The following BCAS3 variants were observed in gnomAD, a reference collection of about 807,000 sequenced individuals.
BCAS3 encodes the protein BCAS3 microtubule associated cell migration factor.
In BCAS3, 53 loss-of-function variants were observed where a neutral mutation model predicts 116.1. The observed-to-expected ratio is 0.46, with a 90% CI of 0.37 to 0.57. The LOEUF (loss-of-function observed/expected upper bound fraction) is 0.57. BCAS3 is among the 20% of genes least tolerant of loss of function. BCAS3 has a pLI of 0.00. For synonymous variants in BCAS3, 391 were observed against 408.2 expected (o/e 0.96, Z 0.51); for missense variants, 917 against 1,165.4 (o/e 0.79, Z 3.10).
At position 60,907,443 on chromosome 17, in the gene BCAS3, A is replaced by G. The variant is rs1365830792; in HGVS notation, c.823-3089A>G. 3.9e-5 allele frequency among the ~76,000 whole-genome samples: 6 copies of G among 152,226 alleles called. No individual in the cohort carries two copies. The East Asian group carries it at 1.2e-3, about 29-fold the overall frequency. On this transcript the variant is annotated intron_variant, in intron 11 of 23. Coordinates refer to ENST00000407086, the MANE Select transcript of BCAS3 (RefSeq NM_017679.5). Reference sequence around the variant, plus strand: ...TAACAGCTTTTGTGAGAGCAGCACCATTAGCACTAATGGATAGGGAGGCCA... The same window carrying G: ...TAACAGCTTTTGTGAGAGCAGCACCGTTAGCACTAATGGATAGGGAGGCCA...
Position 61,227,756 on chromosome 17 carries a change from C to G in BCAS3, c.2426-140571C>G, listed in dbSNP as rs1423192126. Among the ~76,000 whole-genome samples, 1 of 152,176 alleles carries G rather than the reference C, an allele frequency of 6.6e-6. No individual in the cohort carries two copies. The highest frequency in any genetic ancestry group is 1.9e-4 in the East Asian group (1 of 5,192). On this transcript the variant is annotated intron_variant, in intron 22 of 23. Transcript: ENST00000407086. This position sits in a 1 kb window ranked among gnomAD's most constrained non-coding sequence, Gnocchi z 6.1. ...AGAAACCTGTACTTGAGAAACATAA[C>G]TTTTTGTGTTATTTATATTTTCTGT...
intron 13 of BCAS3, among the ~76,000 whole-genome samples, chr17:60,944,108 G>A (rs1386074965): frequency 6.6e-6 from 1 of 151,686 alleles, no homozygotes; most frequent in Non-Finnish European, 1.5e-5. Context: ...CCCAAAACAA[G>A]GAGAATAAAG....
At chr17:61,330,346 A>G (rs2056167788) in intron 22 of BCAS3, among the ~76,000 whole-genome samples, 1 of 151,122 alleles carries the variant, frequency 6.6e-6, no homozygotes, top group African/African-American at 2.4e-5. Flanking sequence ...GCAGCCTCAA[A>G]CTCCTGGCCT....
At chr17:60,946,354 A>T (rs1245305392) in intron 13 of BCAS3, among the ~76,000 whole-genome samples, 2 of 152,202 alleles carry the variant, frequency 1.3e-5, no homozygotes, top group African/African-American at 2.4e-5. Context: ...TAAAACATAA[A>T]ATTATGAAAC....
chr17:60,886,154 G>A (rs1361865196), intron 9 of BCAS3, among the ~76,000 whole-genome samples: 2 of 142,130 alleles, frequency 1.4e-5, no homozygotes, highest in Admixed American at 7.1e-5. Flanking sequence ...CTTTTTATTC[G>A]TTTTTCTCTA....
At position 61,203,030 on chromosome 17, in the gene BCAS3, G is replaced by T. The variant is rs150008445; in HGVS notation, c.2425+118466G>T. Among the ~76,000 whole-genome samples, 3 of 152,242 alleles carry T rather than the reference G, an allele frequency of 2.0e-5. No homozygotes were observed. Among genetic ancestry groups the T allele is most frequent in the African/African-American group, 7.2e-5 (3 of 41,560 alleles). ...TATTAAATTTTGTGTGGTTGCTGAA[G>T]AAGTTTACTGTGCACTAGCTCTCTC... On this transcript the variant is annotated intron_variant, in intron 22 of 23. Transcript: ENST00000407086. This position sits in a 1 kb window ranked among gnomAD's most constrained non-coding sequence, Gnocchi z 5.7.
intron 14 of BCAS3, among the ~76,000 whole-genome samples, chr17:60,983,389 AAC>A (rs2062932144): frequency 6.6e-6 from 1 of 152,106 alleles, no homozygotes; most frequent in Non-Finnish European, 1.5e-5. Context: ...AACTAATAGC[AAC>A]AGTTATATTA....
At chr17:61,033,236 C>T (rs1425425423) in intron 16 of BCAS3, among the ~76,000 whole-genome samples, 1 of 152,148 alleles carries the variant, frequency 6.6e-6, no homozygotes, top group Non-Finnish European at 1.5e-5. Flanking sequence ...TCAGAATCAT[C>T]TGGAGGGTTT....
Position 61,132,951 on chromosome 17 carries a change from C to T in BCAS3, c.2425+48387C>T, listed in dbSNP as rs2191167. Among the ~76,000 whole-genome samples, 145,258 of 152,278 alleles carry T rather than the reference C, an allele frequency of 0.95. 69,668 individuals are homozygous for T. Among genetic ancestry groups the T allele is most frequent in the East Asian group, 1 (5,174 of 5,174 alleles). On this transcript the variant is annotated intron_variant, in intron 22 of 23. Transcript: ENST00000407086. The surrounding 1 kb of genome is among the most constrained non-coding windows in gnomAD (Gnocchi z 5.1). ...GTTTCTGATCCAATCAAGTGGATTC[C>T]TTTTCTTGGAGAAAGTCTCACTGTA...
intron 13 of BCAS3, among the ~76,000 whole-genome samples, chr17:60,925,758 T>C (rs2059335575): frequency 6.6e-6 from 1 of 152,032 alleles, no homozygotes; most frequent in Non-Finnish European, 1.5e-5. Flanking sequence ...CAGTAAGGAG[T>C]TGGTGTAATA....
chr17:60,756,706 G>C (rs1029134804), intron 6 of BCAS3, among the ~76,000 whole-genome samples: 3 of 152,030 alleles, frequency 2.0e-5, no homozygotes, highest in Admixed American at 6.5e-5. Context: ...CCATATCTTT[G>C]CTGCTGTAAA....
At chr17:61,340,925 G>T (rs1047148527) in intron 22 of BCAS3, among the ~76,000 whole-genome samples, 1 of 152,204 alleles carries the variant, frequency 6.6e-6, no homozygotes, top group Non-Finnish European at 1.5e-5. Flanking sequence ...ATTGTGATGA[G>T]ATTTGCAGTT....
intron 12 of BCAS3, among the ~76,000 whole-genome samples, chr17:60,912,396 T>C (rs2058561688): frequency 6.6e-6 from 1 of 152,170 alleles, no homozygotes. Flanking sequence ...GGTGTTGTGA[T>C]GAAAAATTAC....
chr17:61,363,754 G>A lies in BCAS3; in HGVS notation c.2426-4573G>A, dbSNP rs868142024. 1.3e-5 allele frequency among the ~76,000 whole-genome samples: 2 copies of A among 152,254 alleles called. No individual in the cohort carries two copies. Among genetic ancestry groups the A allele is most frequent in the Middle Eastern group, 3.4e-3 (1 of 294 alleles). On this transcript the variant is annotated intron_variant, in intron 22 of 23. Transcript: ENST00000407086. This position sits in a 1 kb window ranked among gnomAD's most constrained non-coding sequence, Gnocchi z 4.9. ...ATTTTGTCCTTTGCAAACAGCCTGC[G>A]CTAAGTGAGCGTCTTCTCCCTGCTT...
In BCAS3 at chr17:60,943,153, T is replaced by C. The variant is rs565682291; in HGVS notation, c.1088-4066T>C. ...ATAAAAATTGAATATTCCAAATAAA[T>C]AGTCCCATAACAGCAAGAAAACATG... On this transcript the variant is annotated intron_variant, in intron 13 of 23. Transcript: ENST00000407086. Among the ~76,000 whole-genome samples the C allele has an allele frequency of 5.8e-4, 88 of 152,036 alleles. 1 individual carries two copies. Among genetic ancestry groups the C allele is most frequent in the African/African-American group, 2.1e-3 (86 of 41,506 alleles).
At chr17:61,290,242 G>A (rs1035938449) in intron 22 of BCAS3, among the ~76,000 whole-genome samples, 2 of 152,160 alleles carry the variant, frequency 1.3e-5, no homozygotes, top group Non-Finnish European at 1.5e-5. Context: ...GGCTCAAAAC[G>A]TCCACCTTCT....
chr17:61,288,485 G>T (rs1158203622), intron 22 of BCAS3, among the ~76,000 whole-genome samples: 2 of 152,178 alleles, frequency 1.3e-5, no homozygotes, highest in Non-Finnish European at 2.9e-5. Flanking sequence ...CTTTAGGTTG[G>T]CATGCACTTT....
chr17:61,280,790 G>T (rs190256577), intron 22 of BCAS3, among the ~76,000 whole-genome samples: 2 of 152,264 alleles, frequency 1.3e-5, no homozygotes, highest in East Asian at 1.9e-4. Context: ...GGAGCTAAAG[G>T]TTCCGCCAGT....
chr17:60,833,341 GTTGGCAAAAATTTATT>G (rs1362035245), intron 7 of BCAS3, among the ~76,000 whole-genome samples: 4 of 152,122 alleles, frequency 2.6e-5, no homozygotes, highest in Non-Finnish European at 4.4e-5. Context: ...ATGTTTTTAT[GTTGGCAAAAATTTATT>G]TTGGCAGTCT....
Sources: allele counts gnomAD v4.1 joint callset (sites outside exome capture counted in the v4.1 genomes callset), GRCh38; gene constraint gnomAD v4.1.1; non-coding constraint Gnocchi (gnomAD v3.1); transcripts MANE v1.5; gene names NCBI Gene and HGNC (gene_info 2026-07-23, HGNC 2026-07-21).